Variants in SCML4 observed in about 807,000 individuals in gnomAD.
SCML4 encodes Scm polycomb group protein like 4.
Under a neutral mutation model 41.1 loss-of-function variants are expected in SCML4, and 34 were observed. The observed-to-expected ratio is 0.83, with a 90% CI of 0.63 to 1.10. SCML4 has a LOEUF of 1.10. Ranked by LOEUF, SCML4 falls within the 50% of genes least tolerant of loss-of-function variation. The pLI is 0.00. For synonymous variants in SCML4, 214 were observed against 220.9 expected (o/e 0.97, Z 0.28); for missense variants, 522 against 534.1 (o/e 0.98, Z 0.22).
chr6:107,842,398 T>TAGAG, the SCML4 span, among the ~76,000 whole-genome samples: 2 of 152,200 alleles, frequency 1.3e-5, no homozygotes, highest in Admixed American at 1.3e-4. Context: ...TGTTGCTGAG[T>TAGAG]AGAGTATTGT....
chr6:107,727,978 A>T (rs1583424423), intron 5 of SCML4, among the ~76,000 whole-genome samples: 1 of 152,218 alleles, frequency 6.6e-6, no homozygotes, highest in Admixed American at 6.5e-5. Flanking sequence ...CTTGATAAAT[A>T]TTTATTGAGT....
chr6:107,705,335 T>C lies in SCML4; in HGVS notation c.1120-10A>G. ...CGTTGCCATCAATCTCCTGGTGGGA[T>C]AGGATCAGAAGAAAGATAAACCCAG... On this transcript the variant is annotated splice_polypyrimidine_tract_variant and intron_variant, in intron 7 of 7. Transcript: ENST00000369020. The C allele has an allele frequency of 6.4e-7, 1 of 1,551,470 alleles. No individual in the cohort carries two copies. The highest frequency in any genetic ancestry group is 8.7e-7 in the Non-Finnish European group (1 of 1,146,840).
At chr6:107,719,892 A>G in intron 6 of SCML4, 1 of 985,334 alleles carries the variant, frequency 1.0e-6, no homozygotes, top group South Asian at 4.7e-5. Context: ...GGCACTATCA[A>G]AATACTGAAG....
At chr6:107,751,574 CT>C (rs1342316396) in intron 2 of SCML4, among the ~76,000 whole-genome samples, 23 of 43,264 alleles carry the variant, frequency 5.3e-4, no homozygotes, top group African/African-American at 1.8e-3. Flanking sequence ...TTTTAACAAT[CT>C]TTCTTTCTTT....
chr6:107,741,590 C>A (rs566188493), intron 5 of SCML4, among the ~76,000 whole-genome samples: 1 of 152,244 alleles, frequency 6.6e-6, no homozygotes, highest in East Asian at 1.9e-4. Flanking sequence ...GTGGCTGTTA[C>A]GCAGTACCAC....
At chr6:107,814,399 G>C (rs1314343080) in intron 1 of SCML4, among the ~76,000 whole-genome samples, 1 of 152,192 alleles carries the variant, frequency 6.6e-6, no homozygotes, top group East Asian at 1.9e-4. Flanking sequence ...TAAGCTCACT[G>C]AATCTCTGCC....
rs751641362 is a variant in SCML4 at position 107,714,822 on chromosome 6, CAGT to C, written c.973+5878_973+5880del. ...ATGATGATGTCATTCCATAAATGGC[CAGT>C]AGATTTGTTTTCCTAAATCCCAGGG... is the stretch of plus-strand genomic sequence containing the variant. On this transcript the variant is annotated intron_variant, in intron 6 of 7. Coordinates refer to ENST00000369020, the MANE Select transcript of SCML4 (RefSeq NM_198081.5). Among the ~76,000 whole-genome samples the C allele has an allele frequency of 1.3e-3, 200 of 151,982 alleles. 1 individual carries two copies. The highest frequency in any genetic ancestry group is 1.8e-3 in the Non-Finnish European group (119 of 67,982).
chr6:107,739,835 G>A (rs746852636), intron 5 of SCML4, among the ~76,000 whole-genome samples: 1 of 152,130 alleles, frequency 6.6e-6, no homozygotes, highest in Non-Finnish European at 1.5e-5. Flanking sequence ...CCCTAATGGC[G>A]TCATTGTAGG....
intron 1 of SCML4, among the ~76,000 whole-genome samples, chr6:107,816,396 T>C (rs11964352): frequency 0.31 from 46,862 of 152,024 alleles, 7,314 homozygotes; most frequent in Middle Eastern, 0.35. Flanking sequence ...GAAGAACATC[T>C]CCAGGGAGGA....
intron 1 of SCML4, among the ~76,000 whole-genome samples, chr6:107,792,678 G>A (rs1190866231): frequency 1.3e-5 from 2 of 151,688 alleles, no homozygotes; most frequent in African/African-American, 4.8e-5. Context: ...GTTGCAGTGA[G>A]CTGAGATCCC....
chr6:107,732,388 G>A (rs1298951246), intron 5 of SCML4: 1 of 152,222 alleles, frequency 6.6e-6, no homozygotes, highest in Non-Finnish European at 1.5e-5. Flanking sequence ...TGTCTCTGCA[G>A]TTCAGATCAC....
chr6:107,763,011 T>C (rs1779734733), intron 2 of SCML4, among the ~76,000 whole-genome samples: 1 of 150,410 alleles, frequency 6.6e-6, no homozygotes, highest in Admixed American at 6.7e-5. Context: ...GTCTCCCAAG[T>C]AGCTAGGACT....
intron 1 of SCML4, among the ~76,000 whole-genome samples, chr6:107,803,705 A>G (rs1257309082): frequency 6.7e-6 from 1 of 149,162 alleles, no homozygotes; most frequent in South Asian, 2.1e-4. Flanking sequence ...TTCTGTACTA[A>G]GAAAAATTCT....
At chr6:107,792,042 T>C (rs888602154) in intron 1 of SCML4, among the ~76,000 whole-genome samples, 1 of 152,118 alleles carries the variant, frequency 6.6e-6, no homozygotes, top group Non-Finnish European at 1.5e-5. Context: ...GGGGAACAAA[T>C]AGGTGGGAAA....
intron 2 of SCML4, among the ~76,000 whole-genome samples, chr6:107,759,146 A>AAC (rs1779353764): frequency 6.6e-6 from 1 of 150,914 alleles, no homozygotes; most frequent in Admixed American, 6.6e-5. Flanking sequence ...AAAAAAAAAA[A>AAC]AAAAAAAACC....
intron 5 of SCML4, among the ~76,000 whole-genome samples, chr6:107,734,515 C>T (rs7770971): frequency 0.065 from 9,898 of 152,250 alleles, 920 homozygotes; most frequent in African/African-American, 0.21. Context: ...ATCCAATCAA[C>T]TGCTGGACAT....
intron 2 of SCML4, among the ~76,000 whole-genome samples, chr6:107,751,575 TTTC>T (rs1778632624): frequency 6.8e-5 from 3 of 44,124 alleles, no homozygotes; most frequent in African/African-American, 9.4e-5. Context: ...TTTAACAATC[TTTC>T]TTTCTTTCTT....
At chr6:107,829,979 G>C in the SCML4 span, among the ~76,000 whole-genome samples, 1 of 152,140 alleles carries the variant, frequency 6.6e-6, no homozygotes, top group East Asian at 1.9e-4. Flanking sequence ...CCAGTGCCCT[G>C]AGTCCAAAGC....
chr6:107,766,492 A>G (rs1276017012), intron 2 of SCML4, among the ~76,000 whole-genome samples: 1 of 152,172 alleles, frequency 6.6e-6, no homozygotes, highest in Non-Finnish European at 1.5e-5. Flanking sequence ...AAACAAAACT[A>G]TTATCGAATT....
Sources: gnomAD v4.1 joint callset for allele counts (sites outside exome capture counted in the v4.1 genomes callset) on GRCh38, gnomAD v4.1.1 for gene constraint, MANE v1.5 for transcripts, NCBI Gene and HGNC (gene_info 2026-07-23, HGNC 2026-07-21) for gene names.